The following SSX2IP variants were observed in gnomAD, a reference collection of about 807,000 sequenced individuals.
SSX2IP encodes the protein afadin- and alpha-actinin-binding protein.
Under a neutral mutation model 84.9 loss-of-function variants are expected in SSX2IP, and 55 were observed. The observed-to-expected ratio is 0.65, with a 90% confidence interval of 0.52 to 0.81. The LOEUF is 0.81. Ranked by LOEUF, SSX2IP falls within the 30% of genes least tolerant of loss-of-function variation. SSX2IP has a pLI of 0.00. For missense variants in SSX2IP, 664 were observed against 705.2 expected (o/e 0.94, Z 0.66); for synonymous variants, 239 against 234.7 (o/e 1.02, Z -0.17).
At chr1:84,675,992 C>G (rs1304913182) in intron 1 of SSX2IP, among the ~76,000 whole-genome samples, 1 of 152,136 alleles carries the variant, frequency 6.6e-6, no homozygotes, top group African/African-American at 2.4e-5. Context: ...CAAGCTGTGC[C>G]CCAACCACCT....
In SSX2IP at chr1:84,657,736, C is replaced by A. The variant is rs577522869; in HGVS notation, c.1078+582G>T. The stretch of plus-strand genomic sequence containing the variant: ...TCAGTTATCTTTATTTGATTGTATA[C>A]TGCATCCAGAGCAGATGGATCCATG... On this transcript the variant is annotated intron_variant, in intron 9 of 13. Coordinates refer to ENST00000342203, the MANE Select transcript of SSX2IP (RefSeq NM_001166293.2). Among the ~76,000 whole-genome samples the A allele has an allele frequency of 7.9e-5, 12 of 152,324 alleles. No homozygotes were observed. The South Asian group carries it at 2.5e-3, about 32-fold the overall frequency.
intron 1 of SSX2IP, among the ~76,000 whole-genome samples, chr1:84,689,879 A>C (rs1313675783): frequency 6.6e-6 from 1 of 152,178 alleles, no homozygotes; most frequent in African/African-American, 2.4e-5. Flanking sequence ...GTTCTCTTCC[A>C]CTGCAGCGGC....
chr1:84,671,231 G>C lies in SSX2IP; in HGVS notation c.-12C>G. On this transcript the variant is annotated 5_prime_UTR_variant, in exon 2 of 14. Coordinates refer to ENST00000342203, the MANE Select transcript of SSX2IP (RefSeq NM_001166293.2). ...ATCCAATCTCCCATAGCAATCTCTA[G>C]AGCCAGGATACCTGAGGAACTAGTT... The C allele has an allele frequency of 6.2e-7, 1 of 1,609,316 alleles. No individual in the cohort carries two copies. Among genetic ancestry groups the C allele is most frequent in the South Asian group, 1.1e-5 (1 of 90,384 alleles).
chr1:84,660,553 T>C (rs538002126), intron 8 of SSX2IP, among the ~76,000 whole-genome samples: 7 of 152,232 alleles, frequency 4.6e-5, no homozygotes, highest in South Asian at 4.1e-4. Flanking sequence ...GTAAAAGATA[T>C]TCGGGAATTT....
At chr1:84,656,061 G>T in intron 10 of SSX2IP, 56 bp from the exon 11 acceptor site, 2 of 1,479,426 alleles carry the variant, frequency 1.4e-6, no homozygotes, top group Non-Finnish European at 9.2e-7. Context: ...ACTCCAACGA[G>T]TTGAAATGAA....
Position 84,666,737 on chromosome 1 carries a change from C to T in SSX2IP, c.427-505G>A, listed in dbSNP as rs112958497. Among the ~76,000 whole-genome samples the T allele has an allele frequency of 1.8e-3, 278 of 152,220 alleles. 2 individuals are homozygous for T. Among genetic ancestry groups the T allele is most frequent in the African/African-American group, 6.3e-3 (261 of 41,554 alleles). ...GAAATGGGACTTCTGTGTGACACCA[C>T]TTCTCCCTGCAAGTGGTAAAGTCTC... On this transcript the variant is annotated intron_variant, in intron 4 of 13. Transcript: ENST00000342203.
intron 4 of SSX2IP, among the ~76,000 whole-genome samples, chr1:84,666,552 T>TAA (rs1652800405): frequency 6.6e-6 from 1 of 152,178 alleles, no homozygotes; most frequent in Non-Finnish European, 1.5e-5. Flanking sequence ...TAATACTTTT[T>TAA]AACACTTCTA....
chr1:84,653,636 T>C (rs1212108162), intron 11 of SSX2IP, among the ~76,000 whole-genome samples: 1 of 152,214 alleles, frequency 6.6e-6, no homozygotes, highest in Admixed American at 6.5e-5. Flanking sequence ...TGTTGTTCCC[T>C]GAAGATAGCT....
rs1389937361 is a variant in SSX2IP, at chr1:84,682,886, CAAT to C, written c.-90+7482_-90+7484del. 3.3e-5 allele frequency among the ~76,000 whole-genome samples: 5 copies of C among 152,250 alleles called. No homozygotes were observed. The South Asian group carries it at 8.3e-4, about 25-fold the overall frequency. Reference sequence around the variant, plus strand: ...ATGAGATTCTACCTAATTTTAATAACAATAAAATAATTTATTAAGCATGTAGCA... The same window carrying C: ...ATGAGATTCTACCTAATTTTAATAACAAAATAATTTATTAAGCATGTAGCA... On this transcript the variant is annotated intron_variant, in intron 1 of 13. Transcript: ENST00000342203.
intron 1 of SSX2IP, among the ~76,000 whole-genome samples, chr1:84,675,561 G>C (rs192555014): frequency 3.6e-4 from 55 of 152,264 alleles, no homozygotes; most frequent in Admixed American, 1.8e-3. Flanking sequence ...GGGCCTCAAG[G>C]TTTTTACCCT....
At chr1:84,679,831 T>TA (rs959573839) in intron 1 of SSX2IP, among the ~76,000 whole-genome samples, 9 of 152,172 alleles carry the variant, frequency 5.9e-5, no homozygotes, top group African/African-American at 2.2e-4. Context: ...TTTTCCTTTT[T>TA]ACAGGTAAGG....
chr1:84,675,903 G>A (rs1392412682), intron 1 of SSX2IP, among the ~76,000 whole-genome samples: 1 of 152,016 alleles, frequency 6.6e-6, no homozygotes, highest in African/African-American at 2.4e-5. Flanking sequence ...AAGTTGTCCC[G>A]CCTTTCCAGA....
Position 84,644,752 on chromosome 1 carries a change from T to C in SSX2IP, c.*2681A>G, listed in dbSNP as rs1309432958. 5 of 152,210 alleles carry C rather than the reference T, an allele frequency of 3.3e-5. No individual in the cohort carries two copies. Among genetic ancestry groups the C allele is most frequent in the African/African-American group, 1.2e-4 (5 of 41,456 alleles). 9.4% of individuals were successfully genotyped at this position (152,210 alleles called of 1,614,324 possible). A position where few individuals can be genotyped will look rare whatever the true frequency, so the allele number is the denominator to read the frequency against. Reference sequence around the variant, plus strand: ...CAAAATGTGTTTTCCCATAACACCATATTATCACAAGTCTATGAACAATTC... The same window carrying C: ...CAAAATGTGTTTTCCCATAACACCACATTATCACAAGTCTATGAACAATTC... On this transcript the variant is annotated 3_prime_UTR_variant, in exon 14 of 14. Coordinates refer to ENST00000342203, the MANE Select transcript of SSX2IP (RefSeq NM_001166293.2).
intron 1 of SSX2IP, among the ~76,000 whole-genome samples, chr1:84,685,690 G>C (rs1655684567): frequency 6.6e-6 from 1 of 152,210 alleles, no homozygotes; most frequent in Non-Finnish European, 1.5e-5. Context: ...AATATGCTGA[G>C]CAAATGATAT....
chr1:84,670,061 A>C, intron 3 of SSX2IP, 168 bp from the exon 4 acceptor site: 1 of 550,846 alleles, frequency 1.8e-6, no homozygotes, highest in Non-Finnish European at 3.2e-6. Context: ...CTGAGCAAGT[A>C]AATTCTCACC....
chr1:84,684,088 G>T (rs1228838468), intron 1 of SSX2IP, among the ~76,000 whole-genome samples: 1 of 152,166 alleles, frequency 6.6e-6, no homozygotes, highest in Non-Finnish European at 1.5e-5. Context: ...AAATAACAAA[G>T]AAACCAAACA....
chr1:84,664,362 C>A (rs990885130), intron 6 of SSX2IP, 55 bp downstream of exon 6: 3 of 1,434,320 alleles, frequency 2.1e-6, no homozygotes, highest in African/African-American at 2.9e-5. Context: ...ACAATTATTT[C>A]TAAGCATAGT....
chr1:84,662,616 G>C, intron 6 of SSX2IP, 86 bp from the exon 7 acceptor site: 1 of 1,442,326 alleles, frequency 6.9e-7, no homozygotes, highest in Non-Finnish European at 9.5e-7. Flanking sequence ...CGTAAGTGGT[G>C]AAAGTGAACC....
rs767406821 is a variant in SSX2IP at position 84,647,481 on chromosome 1, G to A, written c.1797C>T (p.Cys599=). The A allele has an allele frequency of 6.2e-7, 1 of 1,612,034 alleles. No individual in the cohort carries two copies. The highest frequency in any genetic ancestry group is 1.1e-5 in the South Asian group (1 of 90,722). Residue 599 remains cysteine, a synonymous_variant, in exon 14 of 14, where the codon TGC becomes TGT. Coordinates refer to ENST00000342203, the MANE Select transcript of SSX2IP (RefSeq NM_001166293.2). The stretch of plus-strand genomic sequence containing the variant: ...CATGAGAATTTGTGTAGCTCAAGGA[G>A]CATCCACTATAGCAACCTTCCTGTG... ...PGSQEGCYSG[C]SLSYTNSHVE... is the part of the protein sequence containing the mutation.
Sources: gnomAD v4.1 joint callset for allele counts (sites outside exome capture counted in the v4.1 genomes callset) on GRCh38, gnomAD v4.1.1 for gene constraint, MANE v1.5 for transcripts, NCBI Gene and HGNC (gene_info 2026-07-23, HGNC 2026-07-21) for gene names.